SCN7A: variants seen among roughly 807,000 people sequenced by gnomAD.
SCN7A encodes the protein sodium channel protein type 7 subunit alpha.
A neutral mutation model predicts 155.2 loss-of-function variants in SCN7A; 138 were observed. That is an observed-to-expected ratio of 0.89 (90% CI 0.77 to 1.02). The LOEUF (loss-of-function observed/expected upper bound fraction) is 1.02. Among genes scored for constraint, SCN7A ranks in the 50% least tolerant of loss-of-function variants. The pLI, the probability that SCN7A is intolerant of heterozygous loss-of-function variation, is 0.00. For missense variants in SCN7A, 2,058 were observed against 1,986.6 expected, an observed-to-expected ratio of 1.04 and a Z score of -0.68; for synonymous variants, 693 against 649.0, an observed-to-expected ratio of 1.07 and a Z score of -1.03.
chr2:166,480,812 C>A (rs1271260558), intron 2 of SCN7A, among the ~76,000 whole-genome samples: 1 of 152,180 alleles, frequency 6.6e-6, no homozygotes, highest in Non-Finnish European at 1.5e-5. Context: ...GGCTTTGTGA[C>A]AGTAACTGGT....
In SCN7A at chr2:166,413,083, T is replaced by C. The variant is rs751715353; in HGVS notation, c.3453A>G (p.Ala1151=). The C allele has an allele frequency of 1.3e-6, 2 of 1,532,212 alleles. No homozygotes were observed. The highest frequency in any genetic ancestry group is 1.8e-6 in the Non-Finnish European group (2 of 1,138,432). 94.9% of individuals were successfully genotyped at this position (1,532,212 alleles called of 1,614,324 possible). Reference sequence around the variant, plus strand: ...TTATACTTACAGCAACAGAATCAATTGCTGAATTCATAATAGTGATCCATC... The same window carrying C: ...TTATACTTACAGCAACAGAATCAATCGCTGAATTCATAATAGTGATCCATC... ...FNGWITIMNS[A]IDSVAVNIQP... The change falls in exon 22 of 26, where the codon GCA becomes GCG. Residue 1151 remains alanine (A), a synonymous_variant. Transcript: ENST00000643258.
At chr2:166,492,477 C>G (rs1683135501) in intron 1 of SCN7A, among the ~76,000 whole-genome samples, 1 of 152,042 alleles carries the variant, frequency 6.6e-6, no homozygotes, top group South Asian at 2.1e-4. Flanking sequence ...GACTACAGAC[C>G]TAAAATCAAT....
intron 11 of SCN7A, among the ~76,000 whole-genome samples, chr2:166,449,599 A>G (rs969976353): frequency 6.6e-6 from 1 of 152,168 alleles, no homozygotes; most frequent in African/African-American, 2.4e-5. Context: ...GCAGGTCTAC[A>G]GAGCTCCAGT....
Position 166,406,373 on chromosome 2 carries a change from G to A in SCN7A, c.4256C>T (p.Thr1419Ile). Residue 1419 changes from threonine (T) to isoleucine (I), a missense_variant, in exon 26 of 26, where the codon ACC (threonine) becomes ATC (isoleucine). Transcript: ENST00000643258. ...AAGACAGAGCATACTGTTGCCAAAG[G>A]TTTCAAAATTAGACACATCATTAAT... ...AGINDVSNFE[T>I]FGNSMLCLFQ... 2 of 1,613,054 alleles carry A rather than the reference G, an allele frequency of 1.2e-6. No homozygotes were observed. Among genetic ancestry groups the A allele is most frequent in the Non-Finnish European group, 1.7e-6 (2 of 1,179,386 alleles).
intron 13 of SCN7A, among the ~76,000 whole-genome samples, chr2:166,443,990 C>T (rs1323628628): frequency 6.6e-6 from 1 of 152,116 alleles, no homozygotes; most frequent in Non-Finnish European, 1.5e-5. Flanking sequence ...GTACAGAGTA[C>T]ATGATATGAT....
chr2:166,472,273 C>G (rs1316144594), intron 6 of SCN7A, 44 bp downstream of exon 6: 2 of 1,527,440 alleles, frequency 1.3e-6, no homozygotes, highest in Non-Finnish European at 1.8e-6. Flanking sequence ...AAAACATTTT[C>G]TGAGCAAAAC....
Position 166,442,480 on chromosome 2 carries a change from T to C in SCN7A, c.1801-728A>G, listed in dbSNP as rs549421806. On this transcript the variant is annotated intron_variant, in intron 14 of 25. Coordinates refer to ENST00000643258, the MANE Select transcript of SCN7A (RefSeq NM_002976.4). Reference sequence around the variant, plus strand: ...ATAGCTCACTGCAGCCTCCAACTCCTAGGCCCAAGTGATCCTCCCACCTTA... The same window carrying C: ...ATAGCTCACTGCAGCCTCCAACTCCCAGGCCCAAGTGATCCTCCCACCTTA... Among the ~76,000 whole-genome samples, 5 of 152,178 alleles carry C rather than the reference T, an allele frequency of 3.3e-5. No individual in the cohort carries two copies. The South Asian group carries it at 1.0e-3, about 32-fold the overall frequency.
intron 21 of SCN7A, chr2:166,414,650 T>C (rs1005418318): frequency 3.9e-4 from 56 of 143,114 alleles, no homozygotes; most frequent in African/African-American, 1.4e-3. Context: ...CTGGGATTCA[T>C]TGTGTGAGCT....
chr2:166,453,457 G>C (rs1702215257), intron 11 of SCN7A, among the ~76,000 whole-genome samples: 3 of 152,134 alleles, frequency 2.0e-5, no homozygotes, highest in African/African-American at 7.2e-5. Context: ...ATATTGACAT[G>C]TCATAATAAT....
rs66783423 is a variant in SCN7A, at chr2:166,439,055, G to GTATATATATATATATATA, written c.2157+2323_2157+2340dup. ...CACATACATATATGTGTGTGTGTGT[G>GTATATATATATATATATA]TATATATATATATATATATATATAG... On this transcript the variant is annotated intron_variant, in intron 15 of 25. Transcript: ENST00000643258. Among the ~76,000 whole-genome samples, 111 of 113,404 alleles carry GTATATATATATATATATA rather than the reference G, an allele frequency of 9.8e-4. 1 individual carries two copies. Among genetic ancestry groups the GTATATATATATATATATA allele is most frequent in the African/African-American group, 3.8e-3 (102 of 26,604 alleles). 74.4% of individuals were successfully genotyped at this position (113,404 alleles called of 152,430 possible).
chr2:166,443,517 G>T lies in SCN7A; in HGVS notation c.1786C>A (p.Arg596=). Residue 596 remains arginine, a synonymous_variant, in exon 14 of 26, where the codon CGA becomes AGA. Transcript: ENST00000643258. ...ATTCTACTTACCATCCTGAATAATC[G>T]AAGAAGAGCCATTCCTGCAACATTT... ...LANVAGMALL[R]LFRMLRIFKL... 6.3e-7 allele frequency: 1 copy of T among 1,592,890 alleles called. No homozygotes were observed. The highest frequency in any genetic ancestry group is 8.5e-7 in the Non-Finnish European group (1 of 1,170,216).
At chr2:166,413,176 A>G in intron 21 of SCN7A, 55 bp from the exon 22 acceptor site, 3 of 1,075,214 alleles carry the variant, frequency 2.8e-6, no homozygotes. Context: ...AAAAAGTAAA[A>G]TCTCAGTCTC....
intron 6 of SCN7A, among the ~76,000 whole-genome samples, 191 bp from the exon 7 acceptor site, chr2:166,470,897 G>A (rs1702639689): frequency 6.6e-6 from 1 of 151,646 alleles, no homozygotes; most frequent in Non-Finnish European, 1.5e-5. Flanking sequence ...AAAGTGGCCA[G>A]GTAAATATTA....
At chr2:166,492,356 G>C (rs1683132610) in intron 1 of SCN7A, among the ~76,000 whole-genome samples, 1 of 152,142 alleles carries the variant, frequency 6.6e-6, no homozygotes, top group Non-Finnish European at 1.5e-5. Flanking sequence ...AATCTTTGCA[G>C]TCAAGATTAG....
rs546274664 is a variant in SCN7A, at chr2:166,465,540, C to T, written c.872-9G>A. On this transcript the variant is annotated splice_polypyrimidine_tract_variant and intron_variant, in intron 8 of 25. Transcript: ENST00000643258. ...ATAAAAGTTTTCTGTTTCTGAAAAA[C>T]AGGCAAGAAATGATATTCTATATGT... 57 of 1,579,120 alleles carry T rather than the reference C, an allele frequency of 3.6e-5. 1 individual carries two copies. The South Asian group carries it at 6.2e-4, about 17-fold the overall frequency.
intron 9 of SCN7A, among the ~76,000 whole-genome samples, chr2:166,463,065 T>C (rs1027978484): frequency 1.3e-5 from 2 of 152,214 alleles, no homozygotes; most frequent in South Asian, 4.1e-4. Context: ...AAAATAGTAC[T>C]GATACAACTG....
chr2:166,464,049 C>CG (rs925319616), intron 9 of SCN7A, among the ~76,000 whole-genome samples: 4 of 151,740 alleles, frequency 2.6e-5, no homozygotes, highest in Admixed American at 2.6e-4. Context: ...GAACAAGACT[C>CG]GGTCTCAAAC....
At chr2:166,484,352 G>A (rs1340634176) in intron 2 of SCN7A, among the ~76,000 whole-genome samples, 3 of 151,776 alleles carry the variant, frequency 2.0e-5, no homozygotes, top group Non-Finnish European at 2.9e-5. Context: ...GTATGTATGT[G>A]TACATGTTTT....
chr2:166,418,860 T>C (rs905768334), intron 20 of SCN7A, among the ~76,000 whole-genome samples: 2 of 152,210 alleles, frequency 1.3e-5, no homozygotes, highest in African/African-American at 4.8e-5. Flanking sequence ...TTTGTAAGCA[T>C]GTAACTTCCT....
Sources: allele counts gnomAD v4.1 joint callset (sites outside exome capture counted in the v4.1 genomes callset), GRCh38; gene constraint gnomAD v4.1.1; transcripts MANE v1.5; gene names NCBI Gene and HGNC (gene_info 2026-07-23, HGNC 2026-07-21).